Variants in AP1S3 observed in about 807,000 individuals in gnomAD.
AP1S3 encodes adaptor related protein complex 1 subunit sigma 3.
Under a neutral mutation model 20.9 loss-of-function variants are expected in AP1S3, and 10 were observed. The ratio of observed to expected loss-of-function variants is 0.48; its 90% CI spans 0.29 to 0.81. The LOEUF (loss-of-function observed/expected upper bound fraction) is 0.81. AP1S3 is among the 30% of genes least tolerant of loss of function. AP1S3 has a pLI of 0.08. For missense variants in AP1S3, 154 were observed against 183.8 expected, an observed-to-expected ratio of 0.84 and a Z score of 0.94; for synonymous variants, 41 against 61.5, an observed-to-expected ratio of 0.67 and a Z score of 1.56.
chr2:223,829,286 A>C (rs1692205701), intron 1 of AP1S3, among the ~76,000 whole-genome samples: 1 of 152,198 alleles, frequency 6.6e-6, no homozygotes, highest in Non-Finnish European at 1.5e-5. Context: ...CATGACTTAC[A>C]GGCCAAATCT....
intron 1 of AP1S3, among the ~76,000 whole-genome samples, chr2:223,798,883 C>T (rs1036331785): frequency 2.0e-5 from 3 of 152,118 alleles, no homozygotes; most frequent in African/African-American, 7.2e-5. Flanking sequence ...ACCAGCCTGG[C>T]CAACGTGGTG....
At chr2:223,823,909 C>T (rs1439651696) in intron 1 of AP1S3, among the ~76,000 whole-genome samples, 3 of 152,146 alleles carry the variant, frequency 2.0e-5, no homozygotes, top group Non-Finnish European at 4.4e-5. Context: ...AAAAAATAAA[C>T]TTCCCTTCTC....
Position 223,823,338 on chromosome 2 carries a change from C to T in AP1S3, c.3+14110G>A, listed in dbSNP as rs1692036564. Among the ~76,000 whole-genome samples the T allele has an allele frequency of 4.6e-5, 7 of 152,302 alleles. 1 individual carries two copies. In the South Asian group the frequency reaches 1.4e-3, roughly 32 times the overall value. On this transcript the variant is annotated intron_variant, in intron 1 of 4. Coordinates refer to ENST00000396654, the MANE Select transcript of AP1S3 (RefSeq NM_001039569.2). Reference sequence around the variant, plus strand: ...ACAATGGCCCAAGCTATAGAATCAACCTAAATGTCCGTCAGTGGATGGTTA... The same window carrying T: ...ACAATGGCCCAAGCTATAGAATCAATCTAAATGTCCGTCAGTGGATGGTTA...
intron 1 of AP1S3, among the ~76,000 whole-genome samples, chr2:223,787,912 A>G (rs1279417463): frequency 6.6e-6 from 1 of 152,156 alleles, no homozygotes; most frequent in Non-Finnish European, 1.5e-5. Flanking sequence ...GACACTGTCC[A>G]CACAAAGCAG....
At chr2:223,814,706 A>T (rs1320458699) in intron 1 of AP1S3, among the ~76,000 whole-genome samples, 1 of 152,238 alleles carries the variant, frequency 6.6e-6, no homozygotes, top group Admixed American at 6.5e-5. Context: ...TTAAACTAAA[A>T]AATATGACAG....
At chr2:223,784,508 G>A (rs561495325) in intron 1 of AP1S3, among the ~76,000 whole-genome samples, 10 of 152,158 alleles carry the variant, frequency 6.6e-5, no homozygotes, top group South Asian at 6.2e-4. Context: ...GCACGGCATC[G>A]TCACTCCCAC....
At chr2:223,798,117 C>T (rs1160419370) in intron 1 of AP1S3, among the ~76,000 whole-genome samples, 1 of 152,074 alleles carries the variant, frequency 6.6e-6, no homozygotes, top group African/African-American at 2.4e-5. Flanking sequence ...CTCAAGATTG[C>T]CAGCTCAGGT....
intron 1 of AP1S3, among the ~76,000 whole-genome samples, chr2:223,778,759 T>A (rs906221445): frequency 1.3e-5 from 2 of 151,430 alleles, no homozygotes; most frequent in Non-Finnish European, 2.9e-5. Flanking sequence ...TTCAGTGGCA[T>A]GATCTCAGCT....
At chr2:223,836,776 G>C (rs911333386) in intron 1 of AP1S3, among the ~76,000 whole-genome samples, 1 of 152,084 alleles carries the variant, frequency 6.6e-6, no homozygotes, top group South Asian at 2.1e-4. Flanking sequence ...TTGCTAAAAC[G>C]TCCCCGAGGT....
intron 1 of AP1S3, among the ~76,000 whole-genome samples, chr2:223,833,883 T>TTTA (rs1692335473): frequency 2.2e-4 from 3 of 13,774 alleles, no homozygotes; most frequent in Admixed American, 2.0e-3. Context: ...TTACACTCTT[T>TTTA]TTATTTATTT....
intron 1 of AP1S3, among the ~76,000 whole-genome samples, chr2:223,833,882 TTTTATTTA>T (rs71408596): frequency 0.028 from 4,034 of 145,984 alleles, 175 homozygotes; most frequent in African/African-American, 0.094. Flanking sequence ...TTTACACTCT[TTTTATTTA>T]TTTATTTATT....
chr2:223,809,732 ATT>A (rs754446760), intron 1 of AP1S3, among the ~76,000 whole-genome samples: 7 of 139,528 alleles, frequency 5.0e-5, no homozygotes, highest in East Asian at 2.1e-4. Flanking sequence ...ACCTTTATTT[ATT>A]TTTTTTTTTT....
At chr2:223,809,791 C>T (rs368356133) in intron 1 of AP1S3, among the ~76,000 whole-genome samples, 5 of 150,304 alleles carry the variant, frequency 3.3e-5, no homozygotes, top group Admixed American at 6.6e-5. Flanking sequence ...TGCAGTGGCG[C>T]GATCTCAGTT....
At position 223,758,678 on chromosome 2, in the gene AP1S3, TA is replaced by T; in HGVS notation, c.*36del. On this transcript the variant is annotated 3_prime_UTR_variant, in exon 5 of 5. Transcript: ENST00000396654. ...GAGGCGTTGCTTATTTACAGCTTCATAACATGTAGTGCTGGAGTCTTCAAGT... is the reference window on the plus strand; with the variant it reads ...GAGGCGTTGCTTATTTACAGCTTCATACATGTAGTGCTGGAGTCTTCAAGT... The T allele has an allele frequency of 1.3e-6, 2 of 1,570,428 alleles. No individual in the cohort carries two copies. The highest frequency in any genetic ancestry group is 1.7e-6 in the Non-Finnish European group (2 of 1,160,528).
chr2:223,794,621 C>G (rs1691292388), intron 1 of AP1S3, among the ~76,000 whole-genome samples: 1 of 152,190 alleles, frequency 6.6e-6, no homozygotes, highest in Non-Finnish European at 1.5e-5. Context: ...CTGCCCTCTT[C>G]TTTCTGCTAG....
chr2:223,807,615 G>A (rs1691614830), intron 1 of AP1S3, among the ~76,000 whole-genome samples: 1 of 152,042 alleles, frequency 6.6e-6, no homozygotes, highest in African/African-American at 2.4e-5. Flanking sequence ...TCATCCTTCT[G>A]GTGCTGTTCT....
intron 1 of AP1S3, among the ~76,000 whole-genome samples, chr2:223,822,504 G>A (rs751448431): frequency 1.4e-4 from 21 of 152,084 alleles, no homozygotes; most frequent in Admixed American, 1.1e-3. Flanking sequence ...TACCAACATG[G>A]AGAAACCTCA....
intron 1 of AP1S3, among the ~76,000 whole-genome samples, chr2:223,790,051 A>G (rs890523641): frequency 4.6e-5 from 7 of 152,254 alleles, no homozygotes; most frequent in South Asian, 4.1e-4. Context: ...CTTCAGAACA[A>G]CCAGGACAAA....
At chr2:223,776,572 G>A (rs1221615773) in intron 2 of AP1S3, among the ~76,000 whole-genome samples, 1 of 152,194 alleles carries the variant, frequency 6.6e-6, no homozygotes, top group Non-Finnish European at 1.5e-5. Flanking sequence ...CCCTTTGCAA[G>A]AGCATATCTA....
Sources: allele counts gnomAD v4.1 joint callset (sites outside exome capture counted in the v4.1 genomes callset), GRCh38; gene constraint gnomAD v4.1.1; transcripts MANE v1.5; gene names NCBI Gene and HGNC (gene_info 2026-07-23, HGNC 2026-07-21).